The following NTN1 variants were observed in gnomAD, a reference collection of about 807,000 sequenced individuals.
NTN1 encodes netrin-1.
Under a neutral mutation model 54.2 loss-of-function variants are expected in NTN1, and 11 were observed. That is an observed-to-expected ratio of 0.20 (90% confidence interval 0.13 to 0.34). The LOEUF is 0.34. NTN1 is among the 10% of genes least tolerant of loss of function. The pLI, the probability that NTN1 is intolerant of heterozygous loss-of-function variation, is 1.00. For missense variants in NTN1, 740 were observed against 893.1 expected (o/e 0.83, Z 2.18); for synonymous variants, 371 against 382.0 (o/e 0.97, Z 0.33).
intron 1 of NTN1, among the ~76,000 whole-genome samples, chr17:9,022,059 G>A (rs1174900504): frequency 1.3e-5 from 2 of 152,034 alleles, no homozygotes; most frequent in African/African-American, 4.8e-5. Flanking sequence ...TGCCCCTCGG[G>A]CGGCGTGGGG....
At chr17:9,091,881 C>T (rs2092112100) in intron 2 of NTN1, among the ~76,000 whole-genome samples, 1 of 152,084 alleles carries the variant, frequency 6.6e-6, no homozygotes, top group South Asian at 2.1e-4. Flanking sequence ...TCTTCCTGCC[C>T]CAGACTCTGG....
At position 9,135,660 on chromosome 17, in the gene NTN1, T is replaced by G. The variant is rs539566164; in HGVS notation, c.1019-27153T>G. ...GAGCCTCTGCTTTTTCTGTAGAGACTGGACTCTTACTTCTTCTAAGCTGTT... is the reference window on the plus strand; with the variant it reads ...GAGCCTCTGCTTTTTCTGTAGAGACGGGACTCTTACTTCTTCTAAGCTGTT... On this transcript the variant is annotated intron_variant, in intron 2 of 6. Coordinates refer to ENST00000173229, the MANE Select transcript of NTN1 (RefSeq NM_004822.3). The surrounding 1 kb of genome is among the most constrained non-coding windows in gnomAD (Gnocchi z 4.4). Among the ~76,000 whole-genome samples the G allele has an allele frequency of 6.6e-6, 1 of 152,320 alleles. No homozygotes were observed. The highest frequency in any genetic ancestry group is 1.9e-4 in the East Asian group (1 of 5,192).
At chr17:9,079,192 C>T (rs538275416) in intron 2 of NTN1, among the ~76,000 whole-genome samples, 86 of 152,306 alleles carry the variant, frequency 5.6e-4, no homozygotes, top group African/African-American at 2.0e-3. Context: ...TCTGTAGACC[C>T]CCTGTTGCTG....
chr17:9,013,210 CTTTTTCTTTTTT>C, the NTN1 span, among the ~76,000 whole-genome samples: 1 of 107,400 alleles, frequency 9.3e-6, no homozygotes, highest in African/African-American at 4.1e-5. Context: ...TTTCTTTTTT[CTTTTTCTTTTTT>C]TTTTTTTTTT....
chr17:9,031,291 C>T (rs906044059), intron 2 of NTN1, among the ~76,000 whole-genome samples: 1 of 152,162 alleles, frequency 6.6e-6, no homozygotes. Flanking sequence ...ACACTTCCTG[C>T]CTGCTTGATT....
In NTN1 at chr17:9,095,178, T is replaced by C. The variant is rs1159960584; in HGVS notation, c.1019-67635T>C. Among the ~76,000 whole-genome samples, 3 of 152,224 alleles carry C rather than the reference T, an allele frequency of 2.0e-5. No individual in the cohort carries two copies. In the East Asian group the frequency reaches 5.8e-4, roughly 29 times the overall value. On this transcript the variant is annotated intron_variant, in intron 2 of 6. Transcript: ENST00000173229. ...TTGTTACTTATTTGTGAGCATTCTT[T>C]GAATATTGAGGATGTAAATTATTTG...
At chr17:9,060,344 C>T (rs2091992970) in intron 2 of NTN1, among the ~76,000 whole-genome samples, 1 of 152,198 alleles carries the variant, frequency 6.6e-6, no homozygotes, top group Non-Finnish European at 1.5e-5. Flanking sequence ...TGTAAGAATA[C>T]AGTATCTAAT....
At chr17:9,072,519 C>A (rs2092035508) in intron 2 of NTN1, among the ~76,000 whole-genome samples, 1 of 152,122 alleles carries the variant, frequency 6.6e-6, no homozygotes, top group Non-Finnish European at 1.5e-5. Flanking sequence ...TGAAGCCCTT[C>A]AGGAAAATTG....
intron 5 of NTN1, among the ~76,000 whole-genome samples, chr17:9,194,460 T>C (rs1447703300): frequency 6.6e-6 from 1 of 152,022 alleles, no homozygotes; most frequent in Admixed American, 6.6e-5. Flanking sequence ...GGTCAGAGGG[T>C]GTGGAAACGG....
At chr17:9,168,498 C>T (rs1005544027) in intron 3 of NTN1, among the ~76,000 whole-genome samples, 4 of 151,604 alleles carry the variant, frequency 2.6e-5, no homozygotes, top group African/African-American at 9.7e-5. Flanking sequence ...CGCCATTGCA[C>T]TCCAGCCTGG....
At chr17:9,087,150 G>A (rs1357136856) in intron 2 of NTN1, among the ~76,000 whole-genome samples, 2 of 152,190 alleles carry the variant, frequency 1.3e-5, no homozygotes, top group Admixed American at 6.5e-5. Flanking sequence ...TTAGACTCAG[G>A]ATTCAAGTTC....
intron 2 of NTN1, among the ~76,000 whole-genome samples, chr17:9,066,998 CA>C (rs71361855): frequency 2.3e-3 from 202 of 89,328 alleles, no homozygotes; most frequent in South Asian, 6.9e-3. Context: ...GACTCCATCT[CA>C]AAAAAAAAAA....
At chr17:9,139,846 A>C (rs1000756353) in intron 2 of NTN1, among the ~76,000 whole-genome samples, 1 of 152,026 alleles carries the variant, frequency 6.6e-6, no homozygotes, top group African/African-American at 2.4e-5. Flanking sequence ...TCATCCATCC[A>C]TTCATTCAGC....
chr17:9,037,231 G>C (rs1767637855), intron 2 of NTN1, among the ~76,000 whole-genome samples: 1 of 152,120 alleles, frequency 6.6e-6, no homozygotes, highest in South Asian at 2.1e-4. Flanking sequence ...TTCAATATCT[G>C]GTTTCTTTTG....
chr17:9,167,688 T>G (rs985914671), intron 3 of NTN1, among the ~76,000 whole-genome samples: 12 of 152,218 alleles, frequency 7.9e-5, no homozygotes, highest in Non-Finnish European at 1.6e-4. Flanking sequence ...TAGGACGTTC[T>G]TGCTACTTCC....
chr17:9,101,524 G>A (rs2092150228), intron 2 of NTN1, among the ~76,000 whole-genome samples: 1 of 152,228 alleles, frequency 6.6e-6, no homozygotes, highest in Non-Finnish European at 1.5e-5. Context: ...TTGGGACCCT[G>A]TTATGAGCAA....
intron 5 of NTN1, among the ~76,000 whole-genome samples, chr17:9,205,539 T>C (rs79482460): frequency 0.041 from 6,172 of 152,320 alleles, 239 homozygotes; most frequent in East Asian, 0.17. Flanking sequence ...AGTAGGATCA[T>C]TGGAGCCCAC....
chr17:9,236,829 G>A (rs1020182013), intron 6 of NTN1, among the ~76,000 whole-genome samples: 6 of 152,222 alleles, frequency 3.9e-5, no homozygotes, highest in African/African-American at 1.2e-4. Flanking sequence ...GAAGCACAGG[G>A]GGCTGCTTTG....
chr17:9,186,961 T>C (rs1242628020), intron 5 of NTN1, among the ~76,000 whole-genome samples: 1 of 151,996 alleles, frequency 6.6e-6, no homozygotes, highest in East Asian at 1.9e-4. Flanking sequence ...GGCACTAAAA[T>C]GGGCACCTGA....
Sources: gnomAD v4.1 joint callset for allele counts (sites outside exome capture counted in the v4.1 genomes callset) on GRCh38, gnomAD v4.1.1 for gene constraint, Gnocchi (gnomAD v3.1) non-coding constraint, MANE v1.5 for transcripts, NCBI Gene and HGNC (gene_info 2026-07-23, HGNC 2026-07-21) for gene names.